Variants in PLCD4 observed in about 807,000 individuals in gnomAD.
PLCD4 encodes the protein 1-phosphatidylinositol 4,5-bisphosphate phosphodiesterase delta-4.
PLCD4 carries 63 observed loss-of-function variants against 90.2 expected under a neutral mutation model. That is an observed-to-expected ratio of 0.70 (90% CI 0.57 to 0.86). The LOEUF (loss-of-function observed/expected upper bound fraction) is 0.86. Ranked by LOEUF, PLCD4 falls within the 40% of genes least tolerant of loss-of-function variation. The probability of loss-of-function intolerance (pLI) is 0.00; values close to 1 mark genes in which losing one functional copy is unlikely to be tolerated. For missense variants in PLCD4, 830 were observed against 956.3 expected, an observed-to-expected ratio of 0.87 and a Z score of 1.74; for synonymous variants, 294 against 356.5, an observed-to-expected ratio of 0.82 and a Z score of 1.97.
chr2:218,621,422 GCACA>G (rs1695875838), intron 4 of PLCD4, 44 bp from the exon 5 acceptor site: 4 of 1,609,086 alleles, frequency 2.5e-6, no homozygotes, highest in Non-Finnish European at 3.4e-6. Context: ...ACACACAACT[GCACA>G]CACAAACAGA....
At chr2:218,625,120 AAAAAAAAAAAAAG>A (rs1240624492) in intron 6 of PLCD4, among the ~76,000 whole-genome samples, 4 of 149,352 alleles carry the variant, frequency 2.7e-5, no homozygotes, top group Admixed American at 1.3e-4. Flanking sequence ...GTTTCAAAAA[AAAAAAAAAAAAAG>A]AAAGAAAGAA....
intron 1 of PLCD4, among the ~76,000 whole-genome samples, chr2:218,611,944 T>C (rs112422055): frequency 1.3e-4 from 19 of 151,020 alleles, no homozygotes; most frequent in Admixed American, 8.6e-4. Flanking sequence ...CTTTTCTTTT[T>C]TTTGAGATGG....
rs1337527779 is a variant in PLCD4, at chr2:218,636,620, G to A, written c.*43G>A. ...AAGGGTTGGTGTGCTGGCTTTAGAC[G>A]GGGAGAAACATCTGGAAGGATGCTC... On this transcript the variant is annotated 3_prime_UTR_variant, in exon 16 of 16. Transcript: ENST00000450993. 3.8e-6 allele frequency: 6 copies of A among 1,569,268 alleles called. No individual in the cohort carries two copies. The African/African-American group carries it at 4.1e-5, about 11-fold the overall frequency.
chr2:218,634,469 A>T lies in PLCD4; in HGVS notation c.1735A>T (p.Met579Leu). ...CCTGGGGCCCTCAGTGGCCATGAAT[A>T]TGCAGACTGCAGGGCTTGAAATGGA... ...NAGCQMVAMN[M>L]QTAGLEMDIC... The change falls in exon 13 of 16, where the codon ATG becomes TTG. Residue 579 changes from methionine to leucine, a missense_variant. Transcript: ENST00000450993. The surrounding 1 kb of genome is among the most constrained non-coding windows in gnomAD (Gnocchi z 4.0). 6.2e-7 allele frequency: 1 copy of T among 1,612,940 alleles called. No homozygotes were observed. The highest frequency in any genetic ancestry group is 8.5e-7 in the Non-Finnish European group (1 of 1,179,492).
intron 3 of PLCD4, among the ~76,000 whole-genome samples, chr2:218,616,925 T>TAGAGAGAGAG (rs1695621299): frequency 4.5e-5 from 1 of 22,242 alleles, no homozygotes; most frequent in African/African-American, 2.0e-4. Context: ...TATATATATA[T>TAGAGAGAGAG]ATAGAGAGAG....
intron 6 of PLCD4, among the ~76,000 whole-genome samples, chr2:218,625,122 AAAAAAAAAAAGAAAG>A (rs1696055169): frequency 6.7e-6 from 1 of 149,968 alleles, no homozygotes; most frequent in Admixed American, 6.6e-5. Context: ...TTCAAAAAAA[AAAAAAAAAAAGAAAG>A]AAAGAAAGAA....
chr2:218,631,375 G>A (rs1400862585), intron 9 of PLCD4, among the ~76,000 whole-genome samples: 4 of 152,080 alleles, frequency 2.6e-5, no homozygotes, highest in Non-Finnish European at 5.9e-5. Flanking sequence ...TGTTAGCCAG[G>A]CTGGTCTTGA....
intron 11 of PLCD4, 111 bp downstream of exon 11, chr2:218,633,872 A>ACCCC: frequency 7.3e-6 from 10 of 1,369,052 alleles, no homozygotes; most frequent in Non-Finnish European, 1.0e-5. Flanking sequence ...GGAGAGATGA[A>ACCCC]GGAGTTCAGA....
chr2:218,620,268 C>T (rs1196737502), intron 4 of PLCD4, among the ~76,000 whole-genome samples: 1 of 152,110 alleles, frequency 6.6e-6, no homozygotes, highest in East Asian at 1.9e-4. Flanking sequence ...CTTTGAGAAG[C>T]TGAGGCTGGT....
At position 218,626,284 on chromosome 2, in the gene PLCD4, C is replaced by G. The variant is rs558336478; in HGVS notation, c.773-1745C>G. ...AAAAAAAAAAAAAAAAGGAAACTTCCTGCCCAACTTCCTGTCCTTCTTCAC... is the reference window on the plus strand; with the variant it reads ...AAAAAAAAAAAAAAAAGGAAACTTCGTGCCCAACTTCCTGTCCTTCTTCAC... On this transcript the variant is annotated intron_variant, in intron 6 of 15. Coordinates refer to ENST00000450993, the MANE Select transcript of PLCD4 (RefSeq NM_032726.4). Among the ~76,000 whole-genome samples the G allele has an allele frequency of 4.0e-5, 6 of 151,342 alleles. 1 individual carries two copies. In the South Asian group the frequency reaches 1.3e-3, roughly 32 times the overall value.
In PLCD4 at chr2:218,626,277, A is replaced by C. The variant is rs1397052805; in HGVS notation, c.773-1752A>C. Among the ~76,000 whole-genome samples the C allele has an allele frequency of 6.6e-5, 10 of 151,094 alleles. No individual in the cohort carries two copies. In the South Asian group the frequency reaches 1.3e-3, roughly 19 times the overall value. ...GTCTCCCAAAAAAAAAAAAAAAAGG[A>C]AACTTCCTGCCCAACTTCCTGTCCT... On this transcript the variant is annotated intron_variant, in intron 6 of 15. Transcript: ENST00000450993.
At chr2:218,626,109 A>C (rs1305852481) in intron 6 of PLCD4, among the ~76,000 whole-genome samples, 1 of 152,078 alleles carries the variant, frequency 6.6e-6, no homozygotes, top group Non-Finnish European at 1.5e-5. Flanking sequence ...AAATAAAAAA[A>C]ATAACCAGGC....
Position 218,635,879 on chromosome 2 carries a change from TGGC to T in PLCD4, c.1982_1984del (p.Gly661del). ...ATCCACTGGTGAAAGTGCAGATCTTTGGCGTTCGTCTAGACACAGCACGGCAGG... is the reference window on the plus strand; with the variant it reads ...ATCCACTGGTGAAAGTGCAGATCTTTGTTCGTCTAGACACAGCACGGCAGG... On this transcript the variant is annotated inframe_deletion, in exon 14 of 16. Transcript: ENST00000450993. The T allele has an allele frequency of 6.2e-7, 1 of 1,613,988 alleles. No individual in the cohort carries two copies. The highest frequency in any genetic ancestry group is 8.5e-7 in the Non-Finnish European group (1 of 1,179,892).
rs1696316064 is a variant in PLCD4 at position 218,630,558 on chromosome 2, G to GT, written c.1120-91dup. 9.6e-6 allele frequency: 14 copies of GT among 1,452,860 alleles called. No individual in the cohort carries two copies. In the Admixed American group the frequency reaches 2.1e-4, roughly 22 times the overall value. The allele number at this position is 1,452,860 out of a possible 1,614,324, so 90.0% of individuals were successfully genotyped here. ...GTGATCAGGGTACTCATCTGAGTGA[G>GT]TAAGTAGGGAGGCCTAGGAAGCGGG... On this transcript the variant is annotated intron_variant, in intron 8 of 15. Coordinates refer to ENST00000450993, the MANE Select transcript of PLCD4 (RefSeq NM_032726.4).
intron 9 of PLCD4, among the ~76,000 whole-genome samples, chr2:218,631,379 G>C (rs186685767): frequency 1.3e-3 from 204 of 152,218 alleles, no homozygotes; most frequent in Non-Finnish European, 2.5e-3. Flanking sequence ...AGCCAGGCTG[G>C]TCTTGAATCC....
intron 1 of PLCD4, among the ~76,000 whole-genome samples, chr2:218,610,178 C>T (rs574313977): frequency 1.7e-4 from 25 of 151,178 alleles, no homozygotes; most frequent in Admixed American, 5.3e-4. Flanking sequence ...AGGAAAAGGA[C>T]CAGGTCAGGC....
intron 5 of PLCD4, 111 bp downstream of exon 5, chr2:218,621,710 C>T (rs1695887111): frequency 6.6e-6 from 9 of 1,363,124 alleles, no homozygotes; most frequent in African/African-American, 1.4e-5. Flanking sequence ...CTGCTATGTG[C>T]CCTAAGTGCT....
rs1559274608 is a variant in PLCD4 at position 218,630,736 on chromosome 2, CCTGGGGGAGCAG to C, written c.1210_1221del (p.Gly404_Leu407del). The C allele has an allele frequency of 6.2e-7, 1 of 1,614,030 alleles. No individual in the cohort carries two copies. The highest frequency in any genetic ancestry group is 1.7e-5 in the Admixed American group (1 of 60,020). On this transcript the variant is annotated inframe_deletion, in exon 9 of 16. Coordinates refer to ENST00000450993, the MANE Select transcript of PLCD4 (RefSeq NM_032726.4). The stretch of plus-strand genomic sequence containing the variant: ...CCATGGCCCGTCATCTGACTGAGAT[CCTGGGGGAGCAG>C]CTGCTGAGCACCACCTTGGATGGGG...
intron 1 of PLCD4, among the ~76,000 whole-genome samples, chr2:218,610,251 A>G (rs182489867): frequency 3.3e-5 from 5 of 152,330 alleles, no homozygotes; most frequent in Admixed American, 3.3e-4. Flanking sequence ...TCACCCCTGT[A>G]ACCCCAGCAC....
Sources: allele counts gnomAD v4.1 joint callset (sites outside exome capture counted in the v4.1 genomes callset), GRCh38; gene constraint gnomAD v4.1.1; non-coding constraint Gnocchi (gnomAD v3.1); transcripts MANE v1.5; gene names NCBI Gene and HGNC (gene_info 2026-07-23, HGNC 2026-07-21).